The following IL1RAPL1 variants were observed in gnomAD, a reference collection of about 807,000 sequenced individuals.
IL1RAPL1 encodes the protein interleukin 1 receptor accessory protein like 1.
In IL1RAPL1, 3 loss-of-function variants were observed where a neutral mutation model predicts 48.4. That is an observed-to-expected ratio of 0.06 (90% CI 0.03 to 0.16). The LOEUF is 0.16. Ranked by LOEUF, IL1RAPL1 falls within the 10% of genes least tolerant of loss-of-function variation. The pLI is 1.00. For missense variants in IL1RAPL1, 349 were observed against 530.6 expected (o/e 0.66, Z 3.36); for synonymous variants, 185 against 187.7 (o/e 0.99, Z 0.12).
intron 2 of IL1RAPL1, among the ~76,000 whole-genome samples, chrX:29,197,911 G>A (rs1408822550): frequency 9.1e-6 from 1 of 110,413 alleles, no homozygotes; most frequent in Non-Finnish European, 1.9e-5. Flanking sequence ...GTTTCTCTGT[G>A]TTGGTTAGGC....
At chrX:28,633,357 A>G (rs1023997484) in intron 1 of IL1RAPL1, among the ~76,000 whole-genome samples, 1 of 111,265 alleles carries the variant, frequency 9.0e-6, no homozygotes, top group African/African-American at 3.3e-5. Context: ...AACACTCCCA[A>G]ATCAATGAGG....
chrX:29,360,301 T>C (rs140332503), intron 3 of IL1RAPL1, among the ~76,000 whole-genome samples: 1,859 of 111,859 alleles, frequency 0.017, 32 homozygotes, highest in African/African-American at 0.056. Flanking sequence ...CCCAGTCTGC[T>C]TTACCTTAGC....
chrX:29,352,505 G>C (rs1315069081), intron 3 of IL1RAPL1, among the ~76,000 whole-genome samples: 1 of 111,338 alleles, frequency 9.0e-6, no homozygotes, highest in East Asian at 2.8e-4. Flanking sequence ...TATATAAGGG[G>C]TGGAGATGGT....
intron 2 of IL1RAPL1, among the ~76,000 whole-genome samples, chrX:29,230,697 A>G (rs1463177254): frequency 1.8e-5 from 2 of 109,740 alleles, no homozygotes; most frequent in Non-Finnish European, 3.8e-5. Context: ...TGAAATGACC[A>G]CAAGTTAATT....
Position 29,359,907 on chromosome X carries a change from C to G in IL1RAPL1, c.363-36351C>G, listed in dbSNP as rs760892348. Among the ~76,000 whole-genome samples the G allele has an allele frequency of 5.4e-5, 6 of 110,946 alleles. No individual in the cohort carries two copies. The South Asian group carries it at 2.3e-3, about 43-fold the overall frequency. On this transcript the variant is annotated intron_variant, in intron 3 of 10. Transcript: ENST00000378993. ...GGTTACTAAATCCTTCTCAATATTT[C>G]TAGGTAGCCATGTTATTACCATTCC... is the stretch of plus-strand genomic sequence containing the variant.
At chrX:28,949,792 T>G (rs1208993883) in intron 2 of IL1RAPL1, among the ~76,000 whole-genome samples, 1 of 109,741 alleles carries the variant, frequency 9.1e-6, no homozygotes, top group Non-Finnish European at 1.9e-5. Context: ...GGTTGTTTGT[T>G]TTTTTCTTGT....
chrX:29,572,650 A>C (rs1922632934), intron 5 of IL1RAPL1, among the ~76,000 whole-genome samples: 1 of 112,714 alleles, frequency 8.9e-6, no homozygotes, highest in Admixed American at 9.4e-5. Context: ...TCTATGGTCA[A>C]ACAAGTTTAT....
chrX:29,222,081 G>A (rs1486675577), intron 2 of IL1RAPL1, among the ~76,000 whole-genome samples: 4 of 106,205 alleles, frequency 3.8e-5, no homozygotes, highest in African/African-American at 1.4e-4. Context: ...CACAAACAAA[G>A]GAATGCAGCT....
At chrX:28,886,014 A>C (rs1285533659) in intron 2 of IL1RAPL1, among the ~76,000 whole-genome samples, 5 of 110,957 alleles carry the variant, frequency 4.5e-5, no homozygotes, top group Non-Finnish European at 9.5e-5. Context: ...TTGCCACTTT[A>C]TAACTTTTTC....
intron 5 of IL1RAPL1, among the ~76,000 whole-genome samples, chrX:29,597,609 G>C (rs7473722): frequency 1.6e-3 from 175 of 112,098 alleles, no homozygotes; most frequent in African/African-American, 5.3e-3. Flanking sequence ...GAATAGTGTC[G>C]ATAGGATTGG....
chrX:28,899,235 T>C (rs1369614351), intron 2 of IL1RAPL1, among the ~76,000 whole-genome samples: 1 of 111,281 alleles, frequency 9.0e-6, no homozygotes, highest in Admixed American at 9.5e-5. Flanking sequence ...TCCAATTACC[T>C]CTACCCGGTC....
chrX:29,443,906 C>G (rs747637334), intron 5 of IL1RAPL1, among the ~76,000 whole-genome samples: 1 of 112,119 alleles, frequency 8.9e-6, no homozygotes. Flanking sequence ...ATCCACAATA[C>G]AGAAGTACCT....
At chrX:29,636,401 T>C (rs943258039) in intron 5 of IL1RAPL1, among the ~76,000 whole-genome samples, 3 of 112,211 alleles carry the variant, frequency 2.7e-5, no homozygotes, top group Non-Finnish European at 5.6e-5. Context: ...AGGGAACATA[T>C]AAGGAACGTT....
chrX:29,376,628 C>T (rs1163376216), intron 3 of IL1RAPL1, among the ~76,000 whole-genome samples: 1 of 111,375 alleles, frequency 9.0e-6, no homozygotes, highest in Non-Finnish European at 1.9e-5. Flanking sequence ...CCACTTTGGC[C>T]TCCCAAAATG....
intron 5 of IL1RAPL1, among the ~76,000 whole-genome samples, chrX:29,487,832 C>T (rs1935112860): frequency 1.8e-5 from 2 of 111,974 alleles, no homozygotes; most frequent in Non-Finnish European, 1.9e-5. Context: ...GGCTGGATTT[C>T]CATACCCATC....
chrX:28,603,556 T>C (rs920476713), intron 1 of IL1RAPL1, among the ~76,000 whole-genome samples: 2 of 112,093 alleles, frequency 1.8e-5, no homozygotes, highest in Non-Finnish European at 1.9e-5. Context: ...CTAACTTTAG[T>C]ATAAGGCTGA....
chrX:29,570,373 C>A, intron 5 of IL1RAPL1, among the ~76,000 whole-genome samples: 1 of 112,099 alleles, frequency 8.9e-6, no homozygotes. Flanking sequence ...TATTTTAATA[C>A]CAATAGACAT....
intron 2 of IL1RAPL1, among the ~76,000 whole-genome samples, chrX:28,922,665 A>G (rs774130373): frequency 1.8e-5 from 2 of 112,010 alleles, no homozygotes; most frequent in Non-Finnish European, 3.8e-5. Flanking sequence ...AAATTTCAGT[A>G]GCACTGTCAA....
At chrX:29,213,289 C>T (rs945391908) in intron 2 of IL1RAPL1, among the ~76,000 whole-genome samples, 8 of 112,396 alleles carry the variant, frequency 7.1e-5, no homozygotes, top group Admixed American at 1.9e-4. Context: ...TGAGCCACCG[C>T]GCCTGGCCAG....
Sources: allele counts gnomAD v4.1 joint callset (sites outside exome capture counted in the v4.1 genomes callset), GRCh38; gene constraint gnomAD v4.1.1; transcripts MANE v1.5; gene names NCBI Gene and HGNC (gene_info 2026-07-23, HGNC 2026-07-21).